The following DDHD1 variants were observed in gnomAD, a reference collection of about 807,000 sequenced individuals.
DDHD1 encodes DDHD domain containing 1, also known as phospholipase DDHD1.
In DDHD1, 49 loss-of-function variants were observed where a neutral mutation model predicts 96.4. The ratio of observed to expected loss-of-function variants is 0.51; its 90% CI spans 0.40 to 0.64. The LOEUF (loss-of-function observed/expected upper bound fraction) is 0.64, where lower values mean the gene tolerates loss of function less well. DDHD1 is among the 30% of genes least tolerant of loss of function. The pLI is 0.00. For missense variants in DDHD1, 1,106 were observed against 1,161.2 expected (o/e 0.95, Z 0.69); for synonymous variants, 442 against 446.5 (o/e 0.99, Z 0.13).
intron 12 of DDHD1, 132 bp downstream of exon 12, chr14:53,051,711 TA>T: frequency 1.4e-6 from 1 of 697,800 alleles, no homozygotes; most frequent in Non-Finnish European, 2.3e-6. Context: ...AAAATACACA[TA>T]AAATAGTCTG....
rs1476432248 is a variant in DDHD1, at chr14:53,037,999, C to T, written c.*8769G>A. The T allele has an allele frequency of 6.6e-6, 1 of 151,940 alleles. No homozygotes were observed. Among genetic ancestry groups the T allele is most frequent in the African/African-American group, 2.4e-5 (1 of 41,372 alleles). 9.4% of individuals were successfully genotyped at this position (151,940 alleles called of 1,614,324 possible). A position where few individuals can be genotyped will look rare whatever the true frequency, so the allele number is the denominator to read the frequency against. ...ATTGAATACGGATAAAATCCAACAT[C>T]CCTCATGATAAAACCCCTCAACAGA... is the stretch of plus-strand genomic sequence containing the variant. On this transcript the variant is annotated 3_prime_UTR_variant, in exon 13 of 13. Coordinates refer to ENST00000673822, the MANE Select transcript of DDHD1 (RefSeq NM_001160148.2).
intron 1 of DDHD1, among the ~76,000 whole-genome samples, chr14:53,114,504 C>G (rs187005287): frequency 6.6e-6 from 1 of 152,190 alleles, no homozygotes; most frequent in South Asian, 2.1e-4. Flanking sequence ...TGGCATCAGG[C>G]CAGTGCCCCT....
At chr14:53,048,704 TC>T (rs1167064886) in intron 12 of DDHD1, 1 of 152,204 alleles carries the variant, frequency 6.6e-6, no homozygotes, top group Non-Finnish European at 1.5e-5. Context: ...ATAGCTGAAA[TC>T]CATGTGGACT....
At chr14:53,113,312 A>G (rs1888255109) in intron 1 of DDHD1, among the ~76,000 whole-genome samples, 2 of 146,184 alleles carry the variant, frequency 1.4e-5, no homozygotes, top group Admixed American at 7.0e-5. Flanking sequence ...AGAAGAAATT[A>G]TTTATAATGC....
intron 4 of DDHD1, among the ~76,000 whole-genome samples, chr14:53,082,304 T>G (rs188044308): frequency 6.6e-6 from 1 of 152,124 alleles, no homozygotes; most frequent in Non-Finnish European, 1.5e-5. Flanking sequence ...CTGTAAAACA[T>G]AAGTCTTCAT....
intron 6 of DDHD1, among the ~76,000 whole-genome samples, chr14:53,069,960 G>T (rs898583652): frequency 2.0e-5 from 3 of 152,146 alleles, no homozygotes; most frequent in African/African-American, 4.8e-5. Flanking sequence ...CATAGCCATT[G>T]GTTCCCTCTT....
intron 1 of DDHD1, among the ~76,000 whole-genome samples, chr14:53,106,421 G>A (rs1203695864): frequency 1.3e-5 from 2 of 152,182 alleles, no homozygotes; most frequent in Admixed American, 6.5e-5. Context: ...CATTCTGAGA[G>A]GCCGAGCCAG....
intron 6 of DDHD1, among the ~76,000 whole-genome samples, chr14:53,071,590 A>C (rs946131627): frequency 2.0e-5 from 3 of 152,126 alleles, no homozygotes; most frequent in Non-Finnish European, 4.4e-5. Flanking sequence ...CAGCTGATTC[A>C]GTATATGTAT....
At position 53,135,371 on chromosome 14, in the gene DDHD1, T is replaced by C. The variant is rs1163740014; in HGVS notation, c.838+16890A>G. On this transcript the variant is annotated intron_variant, in intron 1 of 12. Transcript: ENST00000673822. The stretch of plus-strand genomic sequence containing the variant: ...GTAATATTCTCTACGCCCTTGAGAA[T>C]GCACTTGGTGAGATCCACCCGCTGC... Among the ~76,000 whole-genome samples, 5 of 152,234 alleles carry C rather than the reference T, an allele frequency of 3.3e-5. No homozygotes were observed. In the East Asian group the frequency reaches 9.6e-4, roughly 29 times the overall value.
intron 1 of DDHD1, among the ~76,000 whole-genome samples, chr14:53,139,151 T>C (rs1890457326): frequency 6.6e-6 from 1 of 150,956 alleles, no homozygotes; most frequent in Non-Finnish European, 1.5e-5. Context: ...AGGCAGGAAA[T>C]TGTCCTGGGC....
intron 2 of DDHD1, among the ~76,000 whole-genome samples, chr14:53,095,805 C>CA (rs1886839375): frequency 6.6e-6 from 1 of 152,130 alleles, no homozygotes. Context: ...TTGTGAGCAA[C>CA]AGATGCTTAA....
intron 12 of DDHD1, among the ~76,000 whole-genome samples, chr14:53,050,852 G>A (rs1882482247): frequency 1.3e-5 from 2 of 151,878 alleles, no homozygotes; most frequent in South Asian, 4.2e-4. Context: ...TGAGATACTG[G>A]ATATATGGGC....
Position 53,038,964 on chromosome 14 carries a change from C to T in DDHD1, c.*7804G>A, listed in dbSNP as rs547149482. On this transcript the variant is annotated 3_prime_UTR_variant, in exon 13 of 13. Coordinates refer to ENST00000673822, the MANE Select transcript of DDHD1 (RefSeq NM_001160148.2). ...GGAACACGTTGTTAATGGGGGCTCA[C>T]AAGCAGTAATTAACTTCAACCAGGG... The T allele has an allele frequency of 6.6e-6, 1 of 152,166 alleles. No individual in the cohort carries two copies. The highest frequency in any genetic ancestry group is 2.4e-5 in the African/African-American group (1 of 41,434). 9.4% of individuals were successfully genotyped at this position (152,166 alleles called of 1,614,324 possible). A position where few individuals can be genotyped will look rare whatever the true frequency, so the allele number is the denominator to read the frequency against.
rs189606779 is a variant in DDHD1 at position 53,125,240 on chromosome 14, A to T, written c.839-21384T>A. 3.3e-5 allele frequency among the ~76,000 whole-genome samples: 5 copies of T among 152,320 alleles called. No individual in the cohort carries two copies. The East Asian group carries it at 9.6e-4, about 29-fold the overall frequency. On this transcript the variant is annotated intron_variant, in intron 1 of 12. Coordinates refer to ENST00000673822, the MANE Select transcript of DDHD1 (RefSeq NM_001160148.2). ...TATATTCTCAATTCTTTGCATCTCA[A>T]TTTGGAGAAGAGACTTTAAATCACA...
chr14:53,076,244 G>A (rs1406103775), intron 4 of DDHD1, among the ~76,000 whole-genome samples: 2 of 152,148 alleles, frequency 1.3e-5, no homozygotes, highest in Admixed American at 1.3e-4. Flanking sequence ...GTGATTCATG[G>A]GGGGTGAAAA....
chr14:53,053,328 T>C (rs1843077612), intron 11 of DDHD1: 1 of 152,148 alleles, frequency 6.6e-6, no homozygotes, highest in Non-Finnish European at 1.5e-5. Context: ...AGGTAAAATA[T>C]ATTTAATGCA....
chr14:53,104,491 T>C (rs1887542035), intron 1 of DDHD1, among the ~76,000 whole-genome samples: 2 of 152,172 alleles, frequency 1.3e-5, no homozygotes, highest in African/African-American at 4.8e-5. Context: ...AAATCCAGAC[T>C]AGTGTTTAGA....
At chr14:53,119,670 A>G (rs2139792127) in intron 1 of DDHD1, among the ~76,000 whole-genome samples, 1 of 152,346 alleles carries the variant, frequency 6.6e-6, no homozygotes, top group East Asian at 1.9e-4. Flanking sequence ...AATAAACGTA[A>G]TCCATCATAT....
At chr14:53,054,316 A>G (rs866625341) in intron 11 of DDHD1, 122 bp downstream of exon 11, 3 of 830,822 alleles carry the variant, frequency 3.6e-6, no homozygotes, top group African/African-American at 3.4e-5. Flanking sequence ...TTTTCTTTCA[A>G]AGTTAAGGCA....
Sources: allele counts gnomAD v4.1 joint callset (sites outside exome capture counted in the v4.1 genomes callset), GRCh38; gene constraint gnomAD v4.1.1; transcripts MANE v1.5; gene names NCBI Gene and HGNC (gene_info 2026-07-23, HGNC 2026-07-21).